The following DNASE2B variants were observed in gnomAD, a reference collection of about 807,000 sequenced individuals.
DNASE2B encodes deoxyribonuclease-2-beta.
A neutral mutation model predicts 46.0 loss-of-function variants in DNASE2B; 43 were observed. The ratio of observed to expected loss-of-function variants is 0.94; its 90% CI spans 0.73 to 1.21. The LOEUF (loss-of-function observed/expected upper bound fraction) is 1.21, where lower values mean the gene tolerates loss of function less well. Ranked by LOEUF, DNASE2B falls within the 50% of genes most tolerant of loss-of-function variation. The pLI, the probability that DNASE2B is intolerant of heterozygous loss-of-function variation, is 0.00. For missense variants in DNASE2B, 395 were observed against 414.4 expected, an observed-to-expected ratio of 0.95 and a Z score of 0.41; for synonymous variants, 156 against 152.5, an observed-to-expected ratio of 1.02 and a Z score of -0.17.
chr1:84,399,834 C>T (rs923856975), intron 1 of DNASE2B, among the ~76,000 whole-genome samples: 7 of 151,470 alleles, frequency 4.6e-5, no homozygotes, highest in Admixed American at 1.3e-4. Flanking sequence ...GAGGACTTCA[C>T]GCAGGGGTGT....
rs1680670060 is a variant in DNASE2B at position 84,414,976 on chromosome 1, A to G, written c.*108A>G. The G allele has an allele frequency of 9.6e-6, 7 of 730,676 alleles. No individual in the cohort carries two copies. In the Admixed American group the frequency reaches 1.9e-4, roughly 20 times the overall value. 45.3% of individuals were successfully genotyped at this position (730,676 alleles called of 1,614,324 possible). ...GCCTGTGAATATACTTATAACCTGCATATCACAAAATAAAACATTTTTCTC... is the reference window on the plus strand; with the variant it reads ...GCCTGTGAATATACTTATAACCTGCGTATCACAAAATAAAACATTTTTCTC... On this transcript the variant is annotated 3_prime_UTR_variant, in exon 6 of 6. Coordinates refer to ENST00000370665, the MANE Select transcript of DNASE2B (RefSeq NM_021233.3).
At chr1:84,405,451 G>C (rs947661560) in intron 2 of DNASE2B, among the ~76,000 whole-genome samples, 1 of 152,118 alleles carries the variant, frequency 6.6e-6, no homozygotes, top group East Asian at 1.9e-4. Flanking sequence ...AACTTGAAAT[G>C]GCAGGCAACT....
rs531415773 is a variant in DNASE2B at position 84,414,631 on chromosome 1, C to T, written c.849C>T (p.Tyr283=). ...TTCCTTCAAACTGCTCCCTTCCTTA[C>T]CATGTCTACAATATAAAAGCAATTA... The part of the protein sequence containing the change: ...QELPSNCSLP[Y]HVYNIKAIKL... Residue 283 remains tyrosine (Y), a synonymous_variant, in exon 6 of 6, where the codon TAC becomes TAT. Transcript: ENST00000370665. 6.2e-7 allele frequency: 1 copy of T among 1,614,156 alleles called. No homozygotes were observed.
chr1:84,404,115 C>T (rs1246391), intron 2 of DNASE2B, among the ~76,000 whole-genome samples: 143,876 of 152,160 alleles, frequency 0.95, 68,152 homozygotes, highest in East Asian at 1. Flanking sequence ...CTAAAAGCAG[C>T]CTTGAATGAT....
intron 4 of DNASE2B, among the ~76,000 whole-genome samples, chr1:84,411,248 G>A: frequency 6.6e-6 from 1 of 152,110 alleles, no homozygotes; most frequent in East Asian, 1.9e-4. Flanking sequence ...GGGCCTGGTA[G>A]ATAACATATA....
Position 84,413,038 on chromosome 1 carries a change from C to A in DNASE2B, c.745+492C>A, listed in dbSNP as rs143083838. Among the ~76,000 whole-genome samples the A allele has an allele frequency of 2.0e-4, 30 of 150,432 alleles. No individual in the cohort carries two copies. The South Asian group carries it at 4.7e-3, about 24-fold the overall frequency. ...CCACCCCCAAAGAAGTGATGCACCC[C>A]CTATGCTCTGAAACCTATCTCAGCC... is the stretch of plus-strand genomic sequence containing the variant. On this transcript the variant is annotated intron_variant, in intron 5 of 5. Coordinates refer to ENST00000370665, the MANE Select transcript of DNASE2B (RefSeq NM_021233.3).
chr1:84,409,482 T>G (rs1166274269), intron 3 of DNASE2B, among the ~76,000 whole-genome samples: 1 of 152,194 alleles, frequency 6.6e-6, no homozygotes, highest in Admixed American at 6.5e-5. Flanking sequence ...TAAAAAATAC[T>G]CTGCAAGCGC....
At chr1:84,398,752 T>C in intron 1 of DNASE2B, 63 bp downstream of exon 1, 2 of 1,583,754 alleles carry the variant, frequency 1.3e-6, no homozygotes, top group Non-Finnish European at 1.7e-6. Context: ...TTGGCCTGGC[T>C]CACTGCGAAG....
intron 1 of DNASE2B, among the ~76,000 whole-genome samples, chr1:84,399,415 A>G (rs915131899): frequency 6.6e-6 from 1 of 152,210 alleles, no homozygotes; most frequent in Non-Finnish European, 1.5e-5. Flanking sequence ...ACTGAGCTCA[A>G]CAGAGGTCTG....
At chr1:84,412,236 G>T in intron 4 of DNASE2B, 113 bp from the exon 5 acceptor site, 1 of 976,150 alleles carries the variant, frequency 1.0e-6, no homozygotes, top group Non-Finnish European at 1.4e-6. Flanking sequence ...AGAAAGAAAT[G>T]CCTTTGTTTT....
intron 4 of DNASE2B, 53 bp downstream of exon 4, chr1:84,411,052 T>G: frequency 6.6e-7 from 1 of 1,510,348 alleles, no homozygotes; most frequent in Non-Finnish European, 9.0e-7. Context: ...AAGAAATGAT[T>G]TGGAAATATA....
chr1:84,408,828 A>C (rs1680539199), intron 3 of DNASE2B, among the ~76,000 whole-genome samples: 1 of 151,658 alleles, frequency 6.6e-6, no homozygotes, highest in Admixed American at 6.6e-5. Context: ...ATATATATAT[A>C]TATATATATG....
At chr1:84,404,238 T>C (rs145914031) in intron 2 of DNASE2B, among the ~76,000 whole-genome samples, 2,955 of 152,276 alleles carry the variant, frequency 0.019, 55 homozygotes, top group Non-Finnish European at 0.028. Context: ...TCTAGTGTGG[T>C]GTCTATTAGC....
intron 2 of DNASE2B, among the ~76,000 whole-genome samples, chr1:84,403,730 T>C (rs1441699808): frequency 1.3e-5 from 2 of 152,140 alleles, no homozygotes; most frequent in Non-Finnish European, 2.9e-5. Flanking sequence ...CCATTTGCTT[T>C]AGTTTCAGTG....
intron 2 of DNASE2B, among the ~76,000 whole-genome samples, chr1:84,403,871 C>T (rs776383359): frequency 1.3e-5 from 2 of 151,620 alleles, no homozygotes; most frequent in South Asian, 2.1e-4. Context: ...TCTGTTGCCT[C>T]GACCTCCCAG....
At chr1:84,406,177 G>A (rs1570302000) in intron 2 of DNASE2B, among the ~76,000 whole-genome samples, 1 of 151,762 alleles carries the variant, frequency 6.6e-6, no homozygotes, top group East Asian at 1.9e-4. Flanking sequence ...AGGGCCAACC[G>A]TATTATATAA....
chr1:84,408,382 TG>T, intron 2 of DNASE2B, 54 bp from the exon 3 acceptor site: 1 of 1,548,600 alleles, frequency 6.5e-7, no homozygotes, highest in East Asian at 2.4e-5. Flanking sequence ...AGAAATGTTG[TG>T]GGCGTTTGTA....
At chr1:84,403,274 C>T (rs1680450608) in intron 2 of DNASE2B, among the ~76,000 whole-genome samples, 1 of 152,154 alleles carries the variant, frequency 6.6e-6, no homozygotes, top group South Asian at 2.1e-4. Flanking sequence ...CTACTAACAG[C>T]CTATTGGATG....
At chr1:84,406,656 C>T (rs2101850168) in intron 2 of DNASE2B, among the ~76,000 whole-genome samples, 1 of 152,276 alleles carries the variant, frequency 6.6e-6, no homozygotes, top group Middle Eastern at 3.4e-3. Context: ...GCCTGATTGG[C>T]ATAGAGCCAA....
Sources: allele counts gnomAD v4.1 joint callset (sites outside exome capture counted in the v4.1 genomes callset), GRCh38; gene constraint gnomAD v4.1.1; transcripts MANE v1.5; gene names NCBI Gene and HGNC (gene_info 2026-07-23, HGNC 2026-07-21).